THSD7B: variants seen among roughly 807,000 people sequenced by gnomAD.
The protein encoded by THSD7B is thrombospondin type 1 domain containing 7B, also known as thrombospondin type-1 domain-containing protein 7B.
In THSD7B, 138 loss-of-function variants were observed where a neutral mutation model predicts 213.6. The ratio of observed to expected loss-of-function variants is 0.65; its 90% CI spans 0.56 to 0.74. The LOEUF (loss-of-function observed/expected upper bound fraction) is 0.74, where lower values mean the gene tolerates loss of function less well. THSD7B is among the 30% of genes least tolerant of loss of function. The pLI, the probability that THSD7B is intolerant of heterozygous loss-of-function variation, is 0.00. For synonymous variants in THSD7B, 742 were observed against 687.0 expected, an observed-to-expected ratio of 1.08 and a Z score of -1.25; for missense variants, 1,931 against 1,991.5, an observed-to-expected ratio of 0.97 and a Z score of 0.58.
intron 2 of THSD7B, among the ~76,000 whole-genome samples, chr2:136,996,430 C>T (rs572890432): frequency 6.6e-6 from 1 of 151,870 alleles, no homozygotes; most frequent in East Asian, 1.9e-4. Context: ...CAGCCTGAAA[C>T]CCCCAGGCTC....
intron 5 of THSD7B, among the ~76,000 whole-genome samples, chr2:137,136,171 G>A (rs949562590): frequency 5.9e-5 from 9 of 152,098 alleles, no homozygotes; most frequent in Non-Finnish European, 1.3e-4. Flanking sequence ...CAAGGGGAGG[G>A]ATAGCATTAG....
intron 7 of THSD7B, among the ~76,000 whole-genome samples, chr2:137,192,836 C>G (rs1680685986): frequency 6.6e-6 from 1 of 152,040 alleles, no homozygotes; most frequent in Non-Finnish European, 1.5e-5. Flanking sequence ...TTTGGAAAAC[C>G]TGGAACAAAG....
At chr2:137,359,229 G>A (rs902040482) in intron 12 of THSD7B, among the ~76,000 whole-genome samples, 1 of 152,156 alleles carries the variant, frequency 6.6e-6, no homozygotes, top group African/African-American at 2.4e-5. Context: ...TCAGGGTCCT[G>A]GAAAGGAGCT....
At chr2:137,110,228 C>T (rs926920391) in intron 4 of THSD7B, among the ~76,000 whole-genome samples, 11 of 152,320 alleles carry the variant, frequency 7.2e-5, no homozygotes, top group Admixed American at 4.6e-4. Context: ...GGCTTTCTGT[C>T]TCTCACTGCT....
intron 6 of THSD7B, among the ~76,000 whole-genome samples, chr2:137,165,112 C>A (rs904689129): frequency 2.6e-5 from 4 of 152,162 alleles, no homozygotes; most frequent in African/African-American, 9.7e-5. Context: ...GTACTGTCCC[C>A]ACAGCCTCCT....
Position 137,137,041 on chromosome 2 carries a change from T to C in THSD7B, c.1369+21748T>C, listed in dbSNP as rs565760484. Among the ~76,000 whole-genome samples the C allele has an allele frequency of 7.4e-4, 113 of 152,322 alleles. 1 individual carries two copies. Among genetic ancestry groups the C allele is most frequent in the African/African-American group, 2.7e-3 (113 of 41,582 alleles). On this transcript the variant is annotated intron_variant, in intron 5 of 27. Transcript: ENST00000409968. ...CCTACTTTCTTTACAATTTCAGGTA[T>C]CAATGTGCTGTCAGTAGAAGTTTCC...
intron 12 of THSD7B, among the ~76,000 whole-genome samples, chr2:137,316,142 G>A (rs1261180243): frequency 6.6e-6 from 1 of 152,116 alleles, no homozygotes; most frequent in Non-Finnish European, 1.5e-5. Flanking sequence ...ATAGCGAAGT[G>A]GTATATATTT....
chr2:137,020,279 G>A (rs192473153), intron 2 of THSD7B, among the ~76,000 whole-genome samples: 92 of 152,294 alleles, frequency 6.0e-4, no homozygotes, highest in Non-Finnish European at 1.0e-3. Flanking sequence ...AGGGAAGCAA[G>A]TGGACCTATG....
intron 2 of THSD7B, among the ~76,000 whole-genome samples, chr2:136,981,068 C>T (rs1163741413): frequency 6.6e-6 from 1 of 151,970 alleles, no homozygotes; most frequent in Non-Finnish European, 1.5e-5. Flanking sequence ...GCATCTTGGC[C>T]CCTCCTGTTT....
chr2:137,048,272 A>C (rs915657942), intron 2 of THSD7B, among the ~76,000 whole-genome samples: 1 of 152,034 alleles, frequency 6.6e-6, no homozygotes, highest in South Asian at 2.1e-4. Flanking sequence ...GATTTTTTTT[A>C]AAAAAATGCT....
Position 137,394,179 on chromosome 2 carries a change from G to A in THSD7B, c.2501-11434G>A, listed in dbSNP as rs1184096972. Among the ~76,000 whole-genome samples, 441 of 109,592 alleles carry A rather than the reference G, an allele frequency of 4.0e-3. 13 individuals carry two copies. The highest frequency in any genetic ancestry group is 0.013 in the African/African-American group (407 of 31,084). The allele number at this position is 109,592 out of a possible 152,430, so 71.9% of individuals were successfully genotyped here. ...TCTTTAGTTTAATTAGATCCCATTTGTCAATTTTGGCTTTTGTTGCCATTG... is the reference window on the plus strand; with the variant it reads ...TCTTTAGTTTAATTAGATCCCATTTATCAATTTTGGCTTTTGTTGCCATTG... On this transcript the variant is annotated intron_variant, in intron 12 of 27. Coordinates refer to ENST00000409968, the MANE Select transcript of THSD7B (RefSeq NM_001316349.2).
chr2:137,545,731 T>C (rs1680694736), intron 15 of THSD7B, among the ~76,000 whole-genome samples: 2 of 151,870 alleles, frequency 1.3e-5, no homozygotes, highest in Non-Finnish European at 2.9e-5. Flanking sequence ...TAGAGTTCAG[T>C]CAACATACAT....
chr2:137,365,861 T>A (rs1685395083), intron 12 of THSD7B, among the ~76,000 whole-genome samples: 1 of 152,160 alleles, frequency 6.6e-6, no homozygotes, highest in Admixed American at 6.5e-5. Context: ...GAACTGGAAA[T>A]ACCATTTGAC....
intron 15 of THSD7B, among the ~76,000 whole-genome samples, chr2:137,540,886 G>T (rs1680597553): frequency 6.6e-6 from 1 of 151,722 alleles, no homozygotes; most frequent in African/African-American, 2.4e-5. Context: ...AAAAGAGCAT[G>T]CAAGTATATA....
At chr2:137,073,467 G>C (rs546362354) in intron 3 of THSD7B, among the ~76,000 whole-genome samples, 3 of 152,012 alleles carry the variant, frequency 2.0e-5, no homozygotes, top group Admixed American at 6.5e-5. Context: ...GCATCTATTT[G>C]ATTCTTCTCT....
At chr2:137,226,035 C>T (rs1681490955) in intron 7 of THSD7B, among the ~76,000 whole-genome samples, 1 of 151,764 alleles carries the variant, frequency 6.6e-6, no homozygotes, top group African/African-American at 2.4e-5. Flanking sequence ...GAATTAAAAG[C>T]ATATGAGTTC....
At chr2:137,399,048 A>T (rs1686283669) in intron 12 of THSD7B, among the ~76,000 whole-genome samples, 1 of 151,694 alleles carries the variant, frequency 6.6e-6, no homozygotes, top group African/African-American at 2.4e-5. Flanking sequence ...GCACCCACTG[A>T]CCTGCGCCCA....
At chr2:137,597,076 T>C (rs1466808271) in intron 17 of THSD7B, among the ~76,000 whole-genome samples, 1 of 152,070 alleles carries the variant, frequency 6.6e-6, no homozygotes, top group African/African-American at 2.4e-5. Context: ...TCCAAAATCA[T>C]GGATATGAGA....
chr2:137,168,788 A>T (rs193227180), intron 6 of THSD7B, among the ~76,000 whole-genome samples: 1 of 152,162 alleles, frequency 6.6e-6, no homozygotes, highest in Non-Finnish European at 1.5e-5. Context: ...TAAGACAATA[A>T]ATAAGCAGCA....
Sources: gnomAD v4.1 joint callset for allele counts (sites outside exome capture counted in the v4.1 genomes callset) on GRCh38, gnomAD v4.1.1 for gene constraint, MANE v1.5 for transcripts, NCBI Gene and HGNC (gene_info 2026-07-23, HGNC 2026-07-21) for gene names.